Variants in NCOA6 observed in about 807,000 individuals in gnomAD.
NCOA6 encodes nuclear receptor coactivator 6, also known as NRC RAP250.
In NCOA6, 49 loss-of-function variants were observed where a neutral mutation model predicts 171.4. The observed-to-expected ratio is 0.29, with a 90% CI of 0.23 to 0.36. The LOEUF is 0.36. NCOA6 is among the 10% of genes least tolerant of loss of function. The pLI is 1.00. For synonymous variants in NCOA6, 910 were observed against 927.5 expected (o/e 0.98, Z 0.34); for missense variants, 2,248 against 2,554.5 (o/e 0.88, Z 2.59).
rs1454160229 is a variant in NCOA6 at position 34,715,093 on chromosome 20, TACAAG to T, written c.*224_*228del. 3 of 501,834 alleles carry T rather than the reference TACAAG, an allele frequency of 6.0e-6. No individual in the cohort carries two copies. The highest frequency in any genetic ancestry group is 5.9e-5 in the African/African-American group (3 of 51,178). The allele number at this position is 501,834 out of a possible 1,614,324, so 31.1% of individuals were successfully genotyped here. A position where few individuals can be genotyped will look rare whatever the true frequency, so the allele number is the denominator to read the frequency against. ...TTATAATGGCATTAGCTCCTTTCAA[TACAAG>T]ACAACATTTTAGAAACCTTGAACTT... is the stretch of plus-strand genomic sequence containing the variant. On this transcript the variant is annotated 3_prime_UTR_variant, in exon 15 of 15. Coordinates refer to ENST00000359003, the MANE Select transcript of NCOA6 (RefSeq NM_014071.5).
At chr20:34,730,058 T>G (rs1990425813) in intron 13 of NCOA6, among the ~76,000 whole-genome samples, 1 of 97,956 alleles carries the variant, frequency 1.0e-5, no homozygotes, top group Admixed American at 1.3e-4. Context: ...AAAGTTCTTT[T>G]TTTAAAAAAA....
intron 4 of NCOA6, among the ~76,000 whole-genome samples, 191 bp from the exon 5 acceptor site, chr20:34,768,777 A>G (rs1331073606): frequency 6.6e-6 from 1 of 152,222 alleles, no homozygotes; most frequent in Non-Finnish European, 1.5e-5. Flanking sequence ...ATGAAGCACA[A>G]GGAGATATAA....
chr20:34,720,282 C>T (rs926627051), intron 14 of NCOA6, among the ~76,000 whole-genome samples: 7 of 152,194 alleles, frequency 4.6e-5, no homozygotes, highest in African/African-American at 1.7e-4. Flanking sequence ...TTGTAAACAA[C>T]ACATCTGATC....
At chr20:34,759,089 A>G (rs954152480) in intron 5 of NCOA6, among the ~76,000 whole-genome samples, 156 bp from the exon 6 acceptor site, 1 of 151,246 alleles carries the variant, frequency 6.6e-6, no homozygotes, top group African/African-American at 2.4e-5. Flanking sequence ...GCACAATCAC[A>G]GCTCACTGCC....
chr20:34,749,672 G>A lies in NCOA6; in HGVS notation c.2523C>T (p.Ala841=), dbSNP rs2145698923. Residue 841 remains alanine, a synonymous_variant, in exon 9 of 15, where the codon GCC becomes GCT. Coordinates refer to ENST00000359003, the MANE Select transcript of NCOA6 (RefSeq NM_014071.5). ...CATGGCCTGAGAAGTGGTTTCCCGA[G>A]GCACTGTTTCCCTGCATGGCCTGCA... ...PHVQAMQGNS[A]SGNHFSGHGM... 1 of 1,614,180 alleles carries A rather than the reference G, an allele frequency of 6.2e-7. No individual in the cohort carries two copies. The highest frequency in any genetic ancestry group is 8.5e-7 in the Non-Finnish European group (1 of 1,180,030).
At chr20:34,738,762 T>C (rs983113744) in intron 11 of NCOA6, 1 of 411,722 alleles carries the variant, frequency 2.4e-6, no homozygotes. Context: ...ATGTACGATC[T>C]CCATTTTACA....
intron 4 of NCOA6, among the ~76,000 whole-genome samples, chr20:34,771,370 G>A (rs1320398654): frequency 6.6e-6 from 1 of 152,104 alleles, no homozygotes; most frequent in Non-Finnish European, 1.5e-5. Flanking sequence ...CTGTGCTCAA[G>A]CAATCCTCCT....
chr20:34,798,013 T>G (rs1568869936), intron 1 of NCOA6, among the ~76,000 whole-genome samples: 1 of 152,176 alleles, frequency 6.6e-6, no homozygotes. Context: ...TTTTCATTCT[T>G]TTTTCTTTTG....
intron 4 of NCOA6, among the ~76,000 whole-genome samples, chr20:34,773,173 C>A (rs1194561105): frequency 6.6e-6 from 1 of 152,172 alleles, no homozygotes; most frequent in Non-Finnish European, 1.5e-5. Context: ...CAAGATGGAA[C>A]TGAGTACTTG....
At chr20:34,767,780 T>C (rs930950559) in intron 5 of NCOA6, among the ~76,000 whole-genome samples, 1 of 152,194 alleles carries the variant, frequency 6.6e-6, no homozygotes, top group South Asian at 2.1e-4. Flanking sequence ...AAGCCACTAG[T>C]GCAGTGAAAA....
At chr20:34,775,672 CAAAAAAAAAAAAAA>C (rs570763953) in intron 4 of NCOA6, among the ~76,000 whole-genome samples, 1 of 77,572 alleles carries the variant, frequency 1.3e-5, no homozygotes, top group South Asian at 4.8e-4. Context: ...GACTCTGTCT[CAAAAAAAAAAAAAA>C]AAAAAAGAAA....
At position 34,743,345 on chromosome 20, in the gene NCOA6, A is replaced by G; in HGVS notation, c.2915-4T>C. 6.3e-7 allele frequency: 1 copy of G among 1,587,446 alleles called. No individual in the cohort carries two copies. Among genetic ancestry groups the G allele is most frequent in the Non-Finnish European group, 8.6e-7 (1 of 1,163,924 alleles). On this transcript the variant is annotated splice_region_variant and splice_polypyrimidine_tract_variant and intron_variant, in intron 10 of 14. Coordinates refer to ENST00000359003, the MANE Select transcript of NCOA6 (RefSeq NM_014071.5). ...TCAACTGGTTGAGAAGGATAACCTA[A>G]AACAAGCCCCCCAAATTAGGGAAGT... is the stretch of plus-strand genomic sequence containing the variant.
chr20:34,717,272 G>A (rs1988720545), intron 14 of NCOA6, among the ~76,000 whole-genome samples: 2 of 152,118 alleles, frequency 1.3e-5, no homozygotes, highest in African/African-American at 4.8e-5. Flanking sequence ...CCAACGTGGA[G>A]AAACCCCATC....
intron 5 of NCOA6, among the ~76,000 whole-genome samples, chr20:34,761,887 C>T (rs954951091): frequency 6.6e-6 from 1 of 152,130 alleles, no homozygotes; most frequent in East Asian, 1.9e-4. Context: ...AACTCCTGAC[C>T]TTGTGATCTG....
chr20:34,796,152 G>A (rs997023476), intron 1 of NCOA6, among the ~76,000 whole-genome samples: 6 of 151,432 alleles, frequency 4.0e-5, no homozygotes, highest in African/African-American at 1.2e-4. Context: ...GGGACTACAG[G>A]TGCACAACCA....
rs1468206756 is a variant in NCOA6, at chr20:34,776,393, T to C, written c.291A>G (p.Thr97=). 6 of 1,614,074 alleles carry C rather than the reference T, an allele frequency of 3.7e-6. No homozygotes were observed. The highest frequency in any genetic ancestry group is 4.2e-6 in the Non-Finnish European group (5 of 1,180,036). Reference sequence around the variant, plus strand: ...CCGCTGCTTCCCGGGGGATGTTGAATGTCACACGCACGCTGTTCCAGGGCT... The same window carrying C: ...CCGCTGCTTCCCGGGGGATGTTGAACGTCACACGCACGCTGTTCCAGGGCT... ...KVEPWNSVRV[T]FNIPREAAER... The change falls in exon 4 of 15, where the codon ACA becomes ACG. Residue 97 remains threonine (T), a synonymous_variant. Coordinates refer to ENST00000359003, the MANE Select transcript of NCOA6 (RefSeq NM_014071.5).
chr20:34,736,542 G>A (rs2075964529), intron 12 of NCOA6, 148 bp downstream of exon 12: 1 of 566,482 alleles, frequency 1.8e-6, no homozygotes, highest in African/African-American at 1.9e-5. Flanking sequence ...CACAAGCTTT[G>A]TCACTCAACC....
chr20:34,825,480 G>A lies in NCOA6; in HGVS notation c.-172C>T, dbSNP rs2079127704. The A allele has an allele frequency of 6.7e-6, 1 of 148,528 alleles. No individual in the cohort carries two copies. The highest frequency in any genetic ancestry group is 1.5e-5 in the Non-Finnish European group (1 of 66,722). The allele number at this position is 148,528 out of a possible 1,614,324, so 9.2% of individuals were successfully genotyped here. On this transcript the variant is annotated 5_prime_UTR_variant, in exon 1 of 15. Transcript: ENST00000359003. ...CGCCGCCGTCCCCTCACCTGAGCGC[G>A]GCCCCGGCCCTCCCGGGCGGGCCTT... is the stretch of plus-strand genomic sequence containing the variant.
At chr20:34,727,039 TTC>T (rs1457745963) in intron 14 of NCOA6, among the ~76,000 whole-genome samples, 4 of 152,206 alleles carry the variant, frequency 2.6e-5, no homozygotes, top group African/African-American at 9.6e-5. Flanking sequence ...CCCTGTTATG[TTC>T]TTTTTTCCAG....
Sources: gnomAD v4.1 joint callset for allele counts (sites outside exome capture counted in the v4.1 genomes callset) on GRCh38, gnomAD v4.1.1 for gene constraint, MANE v1.5 for transcripts, NCBI Gene and HGNC (gene_info 2026-07-23, HGNC 2026-07-21) for gene names.